Variants in GLYATL2 observed in about 807,000 individuals in gnomAD.
GLYATL2 encodes glycine N-acyltransferase-like protein 2.
Under a neutral mutation model 21.4 loss-of-function variants are expected in GLYATL2, and 25 were observed. The observed-to-expected ratio is 1.17, with a 90% CI of 0.85 to 1.63. The LOEUF is 1.63. Ranked by LOEUF, GLYATL2 falls within the 40% of genes most tolerant of loss-of-function variation. The pLI, the probability that GLYATL2 is intolerant of heterozygous loss-of-function variation, is 0.00. For missense variants in GLYATL2, 361 were observed against 343.3 expected (o/e 1.05, Z -0.41); for synonymous variants, 114 against 118.2 (o/e 0.96, Z 0.23).
At chr11:58,897,377 A>T (rs1046121514) in intron 1 of GLYATL2, among the ~76,000 whole-genome samples, 2 of 152,134 alleles carry the variant, frequency 1.3e-5, no homozygotes, top group East Asian at 3.9e-4. Flanking sequence ...AAATTTTTAT[A>T]TTTTTGTAAT....
Position 58,875,572 on chromosome 11 carries a change from A to T in GLYATL2, n.60+28584T>A, listed in dbSNP as rs1854213918. Among the ~76,000 whole-genome samples the T allele has an allele frequency of 2.0e-5, 3 of 152,280 alleles. No homozygotes were observed. In the South Asian group the frequency reaches 6.2e-4, roughly 32 times the overall value. ...GAAGCTTAGTTTGGCTGGACATGAA[A>T]TTCTGGGTTGAAAATTATTTTCTTT... is the stretch of plus-strand genomic sequence containing the variant. On this transcript the variant is annotated intron_variant and non_coding_transcript_variant, in intron 1 of 4. Transcript: ENST00000533636.
intron 1 of GLYATL2, among the ~76,000 whole-genome samples, chr11:58,866,648 G>A (rs1385685261): frequency 6.7e-6 from 1 of 149,036 alleles, no homozygotes; most frequent in African/African-American, 2.4e-5. Flanking sequence ...AGGACTACTG[G>A]TGAAAAAACA....
intron 1 of GLYATL2, among the ~76,000 whole-genome samples, chr11:58,889,059 C>A (rs1590749774): frequency 1.3e-5 from 2 of 151,460 alleles, no homozygotes; most frequent in East Asian, 3.9e-4. Flanking sequence ...TCTATGCCAT[C>A]TGGCAAAATT....
chr11:58,874,500 A>T (rs1854189357), intron 1 of GLYATL2, among the ~76,000 whole-genome samples: 1 of 152,070 alleles, frequency 6.6e-6, no homozygotes, highest in African/African-American at 2.4e-5. Context: ...CTTTGTTCTC[A>T]TTGGTTTCAA....
chr11:58,884,829 T>G (rs1169789717), intron 1 of GLYATL2: 2 of 164,382 alleles, frequency 1.2e-5, no homozygotes, highest in African/African-American at 4.8e-5. Flanking sequence ...TGAGTGTTAC[T>G]TGAATGGAGA....
chr11:58,909,355 T>TTTAA, the GLYATL2 span, among the ~76,000 whole-genome samples: 3 of 152,166 alleles, frequency 2.0e-5, no homozygotes, highest in Non-Finnish European at 1.5e-5. Context: ...TATACTTAAA[T>TTTAA]TATTGCTAAA....
At chr11:58,854,010 G>T (rs1565093948) in intron 1 of GLYATL2, among the ~76,000 whole-genome samples, 1 of 152,096 alleles carries the variant, frequency 6.6e-6, no homozygotes. Flanking sequence ...CTGCTTCTAT[G>T]AATTTAACTT....
At chr11:58,901,947 C>T (rs1470053973) in intron 1 of GLYATL2, among the ~76,000 whole-genome samples, 2 of 152,194 alleles carry the variant, frequency 1.3e-5, no homozygotes, top group African/African-American at 2.4e-5. Context: ...AACCTCTACA[C>T]ACAGCTCAGT....
chr11:58,868,441 T>TTTC lies in GLYATL2; in HGVS notation n.61-30076_61-30074dup, dbSNP rs374638555. On this transcript the variant is annotated intron_variant and non_coding_transcript_variant, in intron 1 of 4. Transcript: ENST00000533636. ...TCCTGTTTTTCTACACATTGTTACA[T>TTTC]TTCTTCCCTGCTATGTAAACTCATA... is the stretch of plus-strand genomic sequence containing the variant. 4.8e-3 allele frequency among the ~76,000 whole-genome samples: 722 copies of TTTC among 148,906 alleles called. 24 individuals carry two copies. Among genetic ancestry groups the TTTC allele is most frequent in the African/African-American group, 0.016 (679 of 41,346 alleles).
At chr11:58,897,180 T>G (rs1854649780) in intron 1 of GLYATL2, among the ~76,000 whole-genome samples, 1 of 152,332 alleles carries the variant, frequency 6.6e-6, no homozygotes, top group Admixed American at 6.5e-5. Context: ...AAACCTGCTG[T>G]GCCTTTCTAG....
intron 1 of GLYATL2, among the ~76,000 whole-genome samples, chr11:58,889,974 A>C (rs1407245262): frequency 6.6e-6 from 1 of 152,126 alleles, no homozygotes; most frequent in Non-Finnish European, 1.5e-5. Context: ...TTTTAGATAC[A>C]GGGGTTACAT....
chr11:58,880,405 G>A (rs1854312254), intron 1 of GLYATL2, among the ~76,000 whole-genome samples: 1 of 152,144 alleles, frequency 6.6e-6, no homozygotes, highest in Non-Finnish European at 1.5e-5. Flanking sequence ...CAAAGATGTG[G>A]CAGCTGATTA....
At position 58,834,629 on chromosome 11, in the gene GLYATL2, C is replaced by G. The variant is rs1853393061; in HGVS notation, c.685G>C (p.Val229Leu). The G allele has an allele frequency of 6.2e-7, 1 of 1,613,162 alleles. No homozygotes were observed. The highest frequency in any genetic ancestry group is 1.3e-5 in the African/African-American group (1 of 74,872). The change falls in exon 6 of 6, where the codon GTC becomes CTC. Residue 229 changes from valine (V) to leucine (L), a missense_variant. By Grantham distance (32) the Val-to-Leu change is conservative (BLOSUM62 1). Transcript: ENST00000287275. ...QSCELRMGYT[V>L]PKYRHQGNML... ...TTGCCTTGGTGTCTGTATTTGGGGA[C>G]AGTATAACCCATTCTCAACTCACAG...
At chr11:58,846,471 CT>C (rs1230883066), upstream of GLYATL2, among the ~76,000 whole-genome samples, 2 of 152,146 alleles carry the variant, frequency 1.3e-5, no homozygotes, top group Admixed American at 1.3e-4. Context: ...ATCCCCATCC[CT>C]CCCAACCTCA....
At chr11:58,878,359 C>T (rs1479641830) in intron 1 of GLYATL2, 1 of 656,368 alleles carries the variant, frequency 1.5e-6, no homozygotes, top group East Asian at 5.0e-5. Context: ...CCATTGATCT[C>T]TCAGAGTGGC....
intron 5 of GLYATL2, among the ~76,000 whole-genome samples, 175 bp from the exon 6 acceptor site, chr11:58,835,012 G>A (rs1853403591): frequency 6.6e-6 from 1 of 152,144 alleles, no homozygotes; most frequent in East Asian, 1.9e-4. Context: ...AATAGTTGAT[G>A]GGGGAACACT....
At chr11:58,902,234 C>A (rs1854752557) in intron 1 of GLYATL2, among the ~76,000 whole-genome samples, 1 of 152,102 alleles carries the variant, frequency 6.6e-6, no homozygotes, top group Admixed American at 6.5e-5. Context: ...AGGAAAAAAA[C>A]CATCTCATCT....
At chr11:58,877,630 A>G in intron 1 of GLYATL2, among the ~76,000 whole-genome samples, 1 of 152,222 alleles carries the variant, frequency 6.6e-6, no homozygotes, top group East Asian at 1.9e-4. Context: ...AAACCCAGTG[A>G]AGAAAGTCCA....
intron 1 of GLYATL2, among the ~76,000 whole-genome samples, chr11:58,843,687 T>C (rs1235432446): frequency 6.6e-6 from 1 of 151,882 alleles, no homozygotes; most frequent in Non-Finnish European, 1.5e-5. Flanking sequence ...AAGAAAGTAC[T>C]TGATGAAGTC....
Sources: allele counts gnomAD v4.1 joint callset (sites outside exome capture counted in the v4.1 genomes callset), GRCh38; gene constraint gnomAD v4.1.1; transcripts MANE v1.5; gene names NCBI Gene and HGNC (gene_info 2026-07-23, HGNC 2026-07-21).